Variants in DIAPH1 observed in about 807,000 individuals in gnomAD.
DIAPH1 encodes the protein diaphanous related formin 1, also known as protein diaphanous homolog 1.
In DIAPH1, 46 loss-of-function variants were observed where a neutral mutation model predicts 140.7. The observed-to-expected ratio is 0.33, with a 90% CI of 0.26 to 0.42. DIAPH1 has a LOEUF of 0.42. DIAPH1 is among the 10% of genes least tolerant of loss of function. The pLI, the probability that DIAPH1 is intolerant of heterozygous loss-of-function variation, is 1.00. For synonymous variants in DIAPH1, 565 were observed against 551.6 expected (o/e 1.02, Z -0.34); for missense variants, 1,310 against 1,558.7 (o/e 0.84, Z 2.69).
intron 19 of DIAPH1, among the ~76,000 whole-genome samples, chr5:141,532,018 A>G (rs1341531104): frequency 6.6e-6 from 1 of 152,096 alleles, no homozygotes; most frequent in African/African-American, 2.4e-5. Context: ...CCTTCCTAAA[A>G]ATTACACAGG....
At chr5:141,562,633 A>C (rs2099893764) in intron 18 of DIAPH1, among the ~76,000 whole-genome samples, 2 of 151,274 alleles carry the variant, frequency 1.3e-5, no homozygotes, top group South Asian at 2.1e-4. Context: ...ACAAAAAAAA[A>C]CAGATAACAG....
Position 141,584,136 on chromosome 5 carries a change from G to A in DIAPH1, c.390C>T (p.Tyr130=), listed in dbSNP as rs34296458. 6.4e-3 allele frequency: 10,281 copies of A among 1,607,476 alleles called. 555 individuals are homozygous for A. The African/African-American group carries it at 0.12, about 19-fold the overall frequency. The part of the protein sequence containing the change: ...IKREMVSQYL[Y]TSKAGMSQKE... ...TCCCAGGACTCACAGCCTTGGAGGT[G>A]TACAAGTATTGGGACACCATCTCCC... Residue 130 remains tyrosine (Y), a synonymous_variant, in exon 4 of 28, where the codon TAC becomes TAT. Transcript: ENST00000389054.
At chr5:141,532,206 C>G (rs1033227529) in intron 19 of DIAPH1, among the ~76,000 whole-genome samples, 1 of 151,958 alleles carries the variant, frequency 6.6e-6, no homozygotes, top group African/African-American at 2.4e-5. Flanking sequence ...GGGTCTTACT[C>G]TGTTGCCCAG....
At chr5:141,602,083 A>G (rs1209179819) in intron 1 of DIAPH1, among the ~76,000 whole-genome samples, 1 of 152,212 alleles carries the variant, frequency 6.6e-6, no homozygotes, top group Non-Finnish European at 1.5e-5. Flanking sequence ...TGCAGAACAG[A>G]GAGATAAGGG....
chr5:141,583,474 A>G lies in DIAPH1; in HGVS notation c.533+11T>C, dbSNP rs1230240485. 6.8e-6 allele frequency: 11 copies of G among 1,614,110 alleles called. No homozygotes were observed. The African/African-American group carries it at 1.2e-4, about 18-fold the overall frequency. On this transcript the variant is annotated intron_variant, in intron 5 of 27. Coordinates refer to ENST00000389054, the MANE Select transcript of DIAPH1 (RefSeq NM_005219.5). Reference sequence around the variant, plus strand: ...TGGCTCCTACTCCTGTTACCTCCTCAGAATCCTCACCTGACAGGGTTGTTG... The same window carrying G: ...TGGCTCCTACTCCTGTTACCTCCTCGGAATCCTCACCTGACAGGGTTGTTG...
In DIAPH1 at chr5:141,565,580, G is replaced by C. The variant is rs992460097; in HGVS notation, c.2482+5848C>G. ...GTAAAAGTAATGATGGAAGTCTTTA[G>C]AAGTTCCTTTTTCTGATTGCTTCAA... On this transcript the variant is annotated intron_variant, in intron 18 of 27. Coordinates refer to ENST00000389054, the MANE Select transcript of DIAPH1 (RefSeq NM_005219.5). This position sits in a 1 kb window ranked among gnomAD's most constrained non-coding sequence, Gnocchi z 4.3. 2.6e-5 allele frequency among the ~76,000 whole-genome samples: 4 copies of C among 152,166 alleles called. No individual in the cohort carries two copies. Among genetic ancestry groups the C allele is most frequent in the Non-Finnish European group, 4.4e-5 (3 of 68,030 alleles).
intron 1 of DIAPH1, among the ~76,000 whole-genome samples, chr5:141,602,443 C>T (rs2099900292): frequency 6.6e-6 from 1 of 152,138 alleles, no homozygotes; most frequent in South Asian, 2.1e-4. Flanking sequence ...TCTTGAACTC[C>T]TGACCTCGTG....
chr5:141,607,440 C>T (rs1187892514), intron 1 of DIAPH1, among the ~76,000 whole-genome samples: 4 of 152,204 alleles, frequency 2.6e-5, no homozygotes, highest in Non-Finnish European at 4.4e-5. Flanking sequence ...ACTCCATCTA[C>T]GTAGCGGAAA....
intron 18 of DIAPH1, chr5:141,558,228 A>G: frequency 6.6e-6 from 1 of 152,220 alleles, no homozygotes; most frequent in Non-Finnish European, 1.5e-5. Flanking sequence ...GCACAAGTCA[A>G]CAGCCCTGAG....
chr5:141,524,638 G>A (rs2099887032), intron 26 of DIAPH1: 1 of 318,610 alleles, frequency 3.1e-6, no homozygotes, highest in Non-Finnish European at 6.1e-6. Context: ...TTTCAGAGCA[G>A]GGCCGAGGAA....
Position 141,527,623 on chromosome 5 carries a change from T to A in DIAPH1, c.3223A>T (p.Asn1075Tyr). 1.9e-6 allele frequency: 3 copies of A among 1,612,744 alleles called. No individual in the cohort carries two copies. Among genetic ancestry groups the A allele is most frequent in the Non-Finnish European group, 2.5e-6 (3 of 1,179,748 alleles). ...QISDVERDVQ[N>Y]FPAATDEKDK... Reference sequence around the variant, plus strand: ...TTTTCATCTGTGGCAGCTGGGAAATTCTGAACATCACGTTCCACATCAGAA... The same window carrying A: ...TTTTCATCTGTGGCAGCTGGGAAATACTGAACATCACGTTCCACATCAGAA... Residue 1075 changes from asparagine (N) to tyrosine (Y), a missense_variant, in exon 24 of 28, where the codon AAT becomes TAT. By Grantham distance (143) the Asn-to-Tyr change is moderately radical. Transcript: ENST00000389054.
At chr5:141,535,223 T>C (rs574153870) in intron 18 of DIAPH1, among the ~76,000 whole-genome samples, 6 of 152,096 alleles carry the variant, frequency 3.9e-5, no homozygotes, top group Non-Finnish European at 7.4e-5. Flanking sequence ...CTGCTAGGAG[T>C]ACAGGCATGA....
chr5:141,554,690 T>C (rs1470688866), intron 18 of DIAPH1, among the ~76,000 whole-genome samples: 1 of 152,032 alleles, frequency 6.6e-6, no homozygotes, highest in Non-Finnish European at 1.5e-5. Context: ...AAAATAAAAA[T>C]AATAACAGAT....
chr5:141,612,223 T>C (rs2099901962), intron 1 of DIAPH1, among the ~76,000 whole-genome samples: 2 of 152,324 alleles, frequency 1.3e-5, no homozygotes, highest in Admixed American at 1.3e-4. Flanking sequence ...TGAAAACAGT[T>C]TGGAAAACAG....
At chr5:141,583,073 A>G (rs1270335989) in intron 6 of DIAPH1, 133 bp downstream of exon 6, 3 of 815,054 alleles carry the variant, frequency 3.7e-6, no homozygotes, top group Non-Finnish European at 6.5e-6. Context: ...ACTATGATAA[A>G]CCCCTTCTTG....
Position 141,516,609 on chromosome 5 carries a change from TA to T in DIAPH1, c.*241del. The T allele has an allele frequency of 5.3e-6, 3 of 567,344 alleles. No homozygotes were observed. The highest frequency in any genetic ancestry group is 9.5e-6 in the Non-Finnish European group (3 of 315,638). 35.1% of individuals were successfully genotyped at this position (567,344 alleles called of 1,614,324 possible). On this transcript the variant is annotated 3_prime_UTR_variant, in exon 28 of 28. Transcript: ENST00000389054. The stretch of plus-strand genomic sequence containing the variant: ...GCAAACATGGACCCTGCTTTGGTAA[TA>T]CAACAGCCAGGGCTGGCTAAGTCGG...
chr5:141,613,883 C>T (rs2099902233), intron 1 of DIAPH1, among the ~76,000 whole-genome samples: 1 of 152,134 alleles, frequency 6.6e-6, no homozygotes. Flanking sequence ...CTTCTGACTG[C>T]CCCTAATTCC....
chr5:141,610,961 T>C (rs932310364), intron 1 of DIAPH1, among the ~76,000 whole-genome samples: 3 of 151,088 alleles, frequency 2.0e-5, no homozygotes, highest in East Asian at 3.9e-4. Context: ...TTGTGGTGCA[T>C]GCCGGTAGTC....
chr5:141,577,591 A>G lies in DIAPH1; in HGVS notation c.1164T>C (p.Asp388=). ...GRLDDIRMEM[D]DFNEVFQILL... Reference sequence around the variant, plus strand: ...GAATCTGAAAGACTTCATTAAAGTCAGTGGAAAAGGGAAATAGGCTAAGGA... The same window carrying G: ...GAATCTGAAAGACTTCATTAAAGTCGGTGGAAAAGGGAAATAGGCTAAGGA... The change falls in exon 12 of 28, where the codon GAT becomes GAC. Residue 388 remains aspartate (D), a splice_region_variant and synonymous_variant. Transcript: ENST00000389054. 6.3e-7 allele frequency: 1 copy of G among 1,592,808 alleles called. No homozygotes were observed. Among genetic ancestry groups the G allele is most frequent in the Non-Finnish European group, 8.6e-7 (1 of 1,160,874 alleles).
Sources: allele counts gnomAD v4.1 joint callset (sites outside exome capture counted in the v4.1 genomes callset), GRCh38; gene constraint gnomAD v4.1.1; non-coding constraint Gnocchi (gnomAD v3.1); transcripts MANE v1.5; gene names NCBI Gene and HGNC (gene_info 2026-07-23, HGNC 2026-07-21).